ANKRD33B: variants seen among roughly 807,000 people sequenced by gnomAD.
The protein encoded by ANKRD33B is ankyrin repeat domain 33B.
ANKRD33B carries 6 observed loss-of-function variants against 21.5 expected under a neutral mutation model. The observed-to-expected ratio is 0.28, with a 90% CI of 0.15 to 0.55. The LOEUF (loss-of-function observed/expected upper bound fraction) is 0.55, where lower values mean the gene tolerates loss of function less well. ANKRD33B is among the 20% of genes least tolerant of loss of function. ANKRD33B has a pLI of 0.94. For missense variants in ANKRD33B, 698 were observed against 747.2 expected, an observed-to-expected ratio of 0.93 and a Z score of 0.77; for synonymous variants, 347 against 342.4, an observed-to-expected ratio of 1.01 and a Z score of -0.15.
chr5:10,609,016 G>A (rs1240926231), intron 1 of ANKRD33B, among the ~76,000 whole-genome samples: 1 of 152,216 alleles, frequency 6.6e-6, no homozygotes, highest in African/African-American at 2.4e-5. Flanking sequence ...GCCAGCTTTA[G>A]TGTCTAGGGC....
chr5:10,621,267 T>G (rs1371003232), intron 2 of ANKRD33B, among the ~76,000 whole-genome samples: 1 of 152,264 alleles, frequency 6.6e-6, no homozygotes, highest in East Asian at 1.9e-4. Flanking sequence ...GTTCTTTTTT[T>G]AGTGAGGAAT....
intron 1 of ANKRD33B, among the ~76,000 whole-genome samples, chr5:10,600,552 T>C (rs985243622): frequency 6.6e-6 from 1 of 152,256 alleles, no homozygotes; most frequent in Non-Finnish European, 1.5e-5. Context: ...CAGACTTTGC[T>C]TATCTAGTCT....
Position 10,649,486 on chromosome 5 carries a change from C to T in ANKRD33B, c.858C>T (p.Cys286=). ...SKNCLQRLTD[C]VLSVLTPRSV... is the part of the protein sequence containing the mutation. The stretch of plus-strand genomic sequence containing the variant: ...ACTGCCTGCAGAGGCTCACAGACTG[C>T]GTGCTGTCCGTGCTGACGCCGCGCT... The change falls in exon 4 of 4, where the codon TGC becomes TGT. Residue 286 remains cysteine (C), a synonymous_variant. Transcript: ENST00000296657. 2.0e-6 allele frequency: 3 copies of T among 1,534,984 alleles called. No homozygotes were observed. Among genetic ancestry groups the T allele is most frequent in the South Asian group, 1.2e-5 (1 of 84,004 alleles).
At chr5:10,577,618 G>A (rs535861429) in intron 1 of ANKRD33B, among the ~76,000 whole-genome samples, 3 of 152,350 alleles carry the variant, frequency 2.0e-5, no homozygotes, top group African/African-American at 7.2e-5. Flanking sequence ...CTTTCCATGT[G>A]TAGCGGGAGG....
chr5:10,575,634 G>A (rs2126548105), intron 1 of ANKRD33B, among the ~76,000 whole-genome samples: 1 of 152,222 alleles, frequency 6.6e-6, no homozygotes, highest in African/African-American at 2.4e-5. Flanking sequence ...ACCTTCTGCT[G>A]CACATTCAAG....
intron 1 of ANKRD33B, among the ~76,000 whole-genome samples, chr5:10,573,208 C>T (rs2126545985): frequency 6.6e-6 from 1 of 152,308 alleles, no homozygotes; most frequent in East Asian, 1.9e-4. Context: ...GTGGCTCACA[C>T]CTGTAATCCC....
At position 10,650,753 on chromosome 5, in the gene ANKRD33B, A is replaced by G. The variant is rs1254311997; in HGVS notation, c.*640A>G. 6.6e-6 allele frequency: 1 copy of G among 152,392 alleles called. No individual in the cohort carries two copies. The highest frequency in any genetic ancestry group is 1.5e-5 in the Non-Finnish European group (1 of 68,052). 9.4% of individuals were successfully genotyped at this position (152,392 alleles called of 1,614,324 possible). A position where few individuals can be genotyped will look rare whatever the true frequency, so the allele number is the denominator to read the frequency against. On this transcript the variant is annotated 3_prime_UTR_variant, in exon 4 of 4. Coordinates refer to ENST00000296657, the MANE Select transcript of ANKRD33B (RefSeq NM_001164440.2). ...ATGATCAAGTGAGACAGAGGATCAG[A>G]TGTTACTGTATCTTTTTAAAACTCT...
chr5:10,619,193 C>A lies in ANKRD33B; in HGVS notation c.496+731C>A. Reference sequence around the variant, plus strand: ...CACTGACCCCTTTCACATTTCTTTGCCTCCAAAGATTCTGTCTGTTTCATC... The same window carrying A: ...CACTGACCCCTTTCACATTTCTTTGACTCCAAAGATTCTGTCTGTTTCATC... On this transcript the variant is annotated intron_variant, in intron 2 of 3. Coordinates refer to ENST00000296657, the MANE Select transcript of ANKRD33B (RefSeq NM_001164440.2). The surrounding 1 kb of genome is among the most constrained non-coding windows in gnomAD (Gnocchi z 4.5). The A allele has an allele frequency of 1.9e-6, 1 of 523,516 alleles. No homozygotes were observed. Among genetic ancestry groups the A allele is most frequent in the Non-Finnish European group, 2.5e-6 (1 of 408,048 alleles). 32.4% of individuals were successfully genotyped at this position (523,516 alleles called of 1,614,324 possible).
At chr5:10,579,164 CAAAA>C (rs10717188) in intron 1 of ANKRD33B, among the ~76,000 whole-genome samples, 1 of 115,512 alleles carries the variant, frequency 8.7e-6, no homozygotes, top group Non-Finnish European at 1.8e-5. Context: ...TACTGTGTCT[CAAAA>C]AAAAAAAAAA....
intron 1 of ANKRD33B, among the ~76,000 whole-genome samples, chr5:10,600,339 C>T (rs1214227475): frequency 1.3e-5 from 2 of 152,190 alleles, no homozygotes; most frequent in Non-Finnish European, 2.9e-5. Context: ...TCTAATAACC[C>T]CCTTCACAAT....
intron 2 of ANKRD33B, among the ~76,000 whole-genome samples, chr5:10,632,304 A>G (rs2126594424): frequency 6.6e-6 from 1 of 152,196 alleles, no homozygotes; most frequent in South Asian, 2.1e-4. Flanking sequence ...GGTGACTTCC[A>G]TGTGAAAAAT....
At position 10,650,065 on chromosome 5, in the gene ANKRD33B, C is replaced by T. The variant is rs755681658; in HGVS notation, c.1437C>T (p.Ala479=). 4 of 1,529,312 alleles carry T rather than the reference C, an allele frequency of 2.6e-6. No homozygotes were observed. The East Asian group carries it at 7.4e-5, about 28-fold the overall frequency. 94.7% of individuals were successfully genotyped at this position (1,529,312 alleles called of 1,614,324 possible). The change falls in exon 4 of 4, where the codon GCC becomes GCT. Residue 479 remains alanine (A), a synonymous_variant. Transcript: ENST00000296657. ...AGGAGGCCGAAAAGAAGCGCCAGGCCGAGGCGCAGAAGGAGAGGCGCACTG... is the reference window on the plus strand; with the variant it reads ...AGGAGGCCGAAAAGAAGCGCCAGGCTGAGGCGCAGAAGGAGAGGCGCACTG... ...KAEEAEKKRQ[A]EAQKERRTAP... is the part of the protein sequence containing the mutation.
intron 2 of ANKRD33B, among the ~76,000 whole-genome samples, chr5:10,632,425 T>C (rs7707382): frequency 0.42 from 64,271 of 152,044 alleles, 13,830 homozygotes; most frequent in Middle Eastern, 0.55. Context: ...GTCCACCTCT[T>C]TGTGTCCCCC....
At chr5:10,637,744 C>G (rs868351761) in intron 2 of ANKRD33B, among the ~76,000 whole-genome samples, 5 of 152,112 alleles carry the variant, frequency 3.3e-5, no homozygotes, top group African/African-American at 9.7e-5. Context: ...CCCCCACATC[C>G]ACCCCCAGTA....
intron 1 of ANKRD33B, among the ~76,000 whole-genome samples, chr5:10,607,624 G>T (rs1252194592): frequency 1.3e-5 from 2 of 152,256 alleles, no homozygotes; most frequent in East Asian, 1.9e-4. Context: ...CTTTGTGTGT[G>T]TACTTTCACC....
rs1737328584 is a variant in ANKRD33B at position 10,650,634 on chromosome 5, T to G, written c.*521T>G. The stretch of plus-strand genomic sequence containing the variant: ...TTGGCTGTTTGGTCTTTTCTCCTCA[T>G]CGTGGGTGTAGGTGCACACTGGATG... On this transcript the variant is annotated 3_prime_UTR_variant, in exon 4 of 4. Transcript: ENST00000296657. The G allele has an allele frequency of 1.3e-5, 2 of 152,398 alleles. No individual in the cohort carries two copies. The highest frequency in any genetic ancestry group is 1.3e-4 in the Admixed American group (2 of 15,282). The allele number at this position is 152,398 out of a possible 1,614,324, so 9.4% of individuals were successfully genotyped here.
Position 10,649,332 on chromosome 5 carries a change from G to T in ANKRD33B, c.704G>T (p.Gly235Val). The T allele has an allele frequency of 6.5e-7, 1 of 1,534,778 alleles. No individual in the cohort carries two copies. ...CCGCAGGAGTGGGCCACTTACACGG[G>T]CCGCGTGGATGCCGTCCGTCTCATG... ...MSPQEWATYT[G>V]RVDAVRLMQR... Residue 235 changes from glycine (G) to valine (V), a missense_variant, in exon 4 of 4, where the codon GGC (glycine) becomes GTC (valine). Around this residue, in one of 3 missense-constraint regions of ANKRD33B, gnomAD observed 543 missense variants for 566.5 expected, o/e 0.96. Coordinates refer to ENST00000296657, the MANE Select transcript of ANKRD33B (RefSeq NM_001164440.2).
chr5:10,603,728 AT>A (rs535721811), intron 1 of ANKRD33B, among the ~76,000 whole-genome samples: 11 of 152,230 alleles, frequency 7.2e-5, no homozygotes, highest in African/African-American at 1.9e-4. Flanking sequence ...TTAATAGATG[AT>A]TTTATATAAT....
At chr5:10,620,007 G>T (rs1736383276) in intron 2 of ANKRD33B, among the ~76,000 whole-genome samples, 1 of 152,188 alleles carries the variant, frequency 6.6e-6, no homozygotes, top group Admixed American at 6.5e-5. Context: ...CTTAGGGACA[G>T]TGTAGGTGGG....
Sources: gnomAD v4.1 joint callset for allele counts (sites outside exome capture counted in the v4.1 genomes callset) on GRCh38, gnomAD v4.1.1 for gene constraint, gnomAD v4.1.1 regional missense constraint, Gnocchi (gnomAD v3.1) non-coding constraint, MANE v1.5 for transcripts, NCBI Gene and HGNC (gene_info 2026-07-23, HGNC 2026-07-21) for gene names.